Variants in EDAR observed in about 807,000 individuals in gnomAD.
EDAR encodes the protein tumor necrosis factor receptor superfamily member EDAR.
EDAR carries 38 observed loss-of-function variants against 51.3 expected under a neutral mutation model. The observed-to-expected ratio is 0.74, with a 90% CI of 0.57 to 0.97. The LOEUF is 0.97. Ranked by LOEUF, EDAR falls within the 50% of genes least tolerant of loss-of-function variation. The probability of loss-of-function intolerance (pLI) is 0.00; values close to 1 mark genes in which losing one functional copy is unlikely to be tolerated. For missense variants in EDAR, 528 were observed against 595.0 expected (o/e 0.89, Z 1.17); for synonymous variants, 227 against 242.1 (o/e 0.94, Z 0.58).
At chr2:108,932,200 T>C (rs1697377070) in intron 1 of EDAR, among the ~76,000 whole-genome samples, 1 of 151,974 alleles carries the variant, frequency 6.6e-6, no homozygotes, top group African/African-American at 2.4e-5. Context: ...CTAAAGGCAT[T>C]AGGTAGAAAT....
At chr2:108,911,106 G>A in intron 6 of EDAR, 34 bp from the exon 7 acceptor site, 1 of 1,613,688 alleles carries the variant, frequency 6.2e-7, no homozygotes, top group Non-Finnish European at 8.5e-7. Flanking sequence ...ATGACCCAGA[G>A]CTCAGGATCC....
Position 108,913,069 on chromosome 2 carries a change from C to T in EDAR, c.443-305G>A, listed in dbSNP as rs558512866. On this transcript the variant is annotated intron_variant, in intron 5 of 11. Transcript: ENST00000258443. ...GTTGACGCCATTCTCCTGTCTCAGC[C>T]TCCCAAGTAACTGGGACTACAGGCA... 2.6e-5 allele frequency among the ~76,000 whole-genome samples: 4 copies of T among 151,978 alleles called. No individual in the cohort carries two copies. The East Asian group carries it at 7.7e-4, about 29-fold the overall frequency.
At chr2:108,918,487 C>T (rs967591273) in intron 5 of EDAR, among the ~76,000 whole-genome samples, 4 of 152,268 alleles carry the variant, frequency 2.6e-5, no homozygotes, top group African/African-American at 9.6e-5. Context: ...ACCTGAGTTT[C>T]GAATAAGCAA....
intron 1 of EDAR, among the ~76,000 whole-genome samples, chr2:108,948,306 T>C (rs1181296125): frequency 6.6e-6 from 1 of 152,224 alleles, no homozygotes; most frequent in Non-Finnish European, 1.5e-5. Context: ...CTGTAGGAAG[T>C]TCCAAACGTT....
intron 1 of EDAR, among the ~76,000 whole-genome samples, chr2:108,978,502 C>T (rs541407498): frequency 5.9e-5 from 9 of 152,248 alleles, no homozygotes; most frequent in Admixed American, 3.9e-4. Context: ...GGTAGAGCTC[C>T]GAGGGAGCCA....
chr2:108,962,253 C>T (rs768059183), intron 1 of EDAR, among the ~76,000 whole-genome samples: 34 of 152,190 alleles, frequency 2.2e-4, no homozygotes, highest in Non-Finnish European at 3.4e-4. Flanking sequence ...TGTGAACCAA[C>T]GTTCATTCGC....
intron 1 of EDAR, among the ~76,000 whole-genome samples, chr2:108,963,230 CTCTGTGG>C (rs1395925082): frequency 7.2e-5 from 11 of 152,172 alleles, no homozygotes; most frequent in Admixed American, 5.9e-4. Flanking sequence ...TTATCTGAAA[CTCTGTGG>C]CCAACGTAAA....
At chr2:108,976,752 A>G (rs1698329020) in intron 1 of EDAR, among the ~76,000 whole-genome samples, 1 of 151,822 alleles carries the variant, frequency 6.6e-6, no homozygotes, top group African/African-American at 2.4e-5. Flanking sequence ...GGTGACTGGG[A>G]GCTCTTTTAG....
chr2:108,953,340 G>A (rs1411799212), intron 1 of EDAR, among the ~76,000 whole-genome samples: 5 of 152,002 alleles, frequency 3.3e-5, no homozygotes. Context: ...CTGATTTCTG[G>A]GACTTTCTTC....
chr2:108,918,655 C>T (rs1424440107), intron 5 of EDAR, among the ~76,000 whole-genome samples: 8 of 152,150 alleles, frequency 5.3e-5, no homozygotes, highest in East Asian at 1.9e-4. Flanking sequence ...AGGGTCCTGC[C>T]GGGCACTGTG....
intron 5 of EDAR, among the ~76,000 whole-genome samples, chr2:108,922,544 C>T (rs1697163363): frequency 6.6e-6 from 1 of 152,186 alleles, no homozygotes; most frequent in Non-Finnish European, 1.5e-5. Flanking sequence ...CCCCTTCTTT[C>T]CAGCGTGATA....
rs1697927363 is a variant in EDAR, at chr2:108,956,415, C to T, written c.-18-25383G>A. 2.0e-5 allele frequency among the ~76,000 whole-genome samples: 3 copies of T among 152,216 alleles called. No homozygotes were observed. In the South Asian group the frequency reaches 6.2e-4, roughly 32 times the overall value. On this transcript the variant is annotated intron_variant, in intron 1 of 11. Transcript: ENST00000258443. The stretch of plus-strand genomic sequence containing the variant: ...AACTCCATTTGGTTTAGAATACTGG[C>T]ATTCCTGATGCCACTCAAATCCCTC...
chr2:108,911,133 C>T (rs1696922795), intron 6 of EDAR, 61 bp from the exon 7 acceptor site: 1 of 1,607,556 alleles, frequency 6.2e-7, no homozygotes, highest in Non-Finnish European at 8.5e-7. Flanking sequence ...GTCTTCCCTC[C>T]AGGACTCCGG....
chr2:108,938,917 C>A (rs1449103838), intron 1 of EDAR, among the ~76,000 whole-genome samples: 1 of 151,504 alleles, frequency 6.6e-6, no homozygotes, highest in Non-Finnish European at 1.5e-5. Context: ...GTAGCTGCGA[C>A]TACAGGCACC....
At chr2:108,971,222 A>G (rs570152303) in intron 1 of EDAR, among the ~76,000 whole-genome samples, 1 of 152,210 alleles carries the variant, frequency 6.6e-6, no homozygotes, top group East Asian at 1.9e-4. Flanking sequence ...AATCATCTTT[A>G]TATTTTTATA....
rs1344134065 is a variant in EDAR at position 108,971,687 on chromosome 2, C to T, written c.-19+17273G>A. ...GGCTGAGAGATTTAGAGCAATTTGC[C>T]CAAGGTTACACAGAAGTTAAAGAGG... On this transcript the variant is annotated intron_variant, in intron 1 of 11. Coordinates refer to ENST00000258443, the MANE Select transcript of EDAR (RefSeq NM_022336.4). 2.0e-5 allele frequency among the ~76,000 whole-genome samples: 3 copies of T among 152,074 alleles called. No homozygotes were observed. In the South Asian group the frequency reaches 6.2e-4, roughly 32 times the overall value.
chr2:108,912,637 C>T (rs1353722151), intron 6 of EDAR, 41 bp downstream of exon 6: 1 of 1,524,434 alleles, frequency 6.6e-7, no homozygotes. Context: ...ATCCGAGTAC[C>T]ACCTAACTCC....
At chr2:108,906,781 C>T (rs997684326) in intron 10 of EDAR, among the ~76,000 whole-genome samples, 16 of 152,228 alleles carry the variant, frequency 1.1e-4, no homozygotes, top group African/African-American at 3.9e-4. Context: ...TGCTCAGTGG[C>T]CCTGGCTGAA....
At chr2:108,916,015 C>T (rs748892039) in intron 5 of EDAR, among the ~76,000 whole-genome samples, 17 of 152,218 alleles carry the variant, frequency 1.1e-4, no homozygotes, top group Non-Finnish European at 1.5e-4. Context: ...ACAGACCTTA[C>T]TGAAGTTGCT....
Sources: gnomAD v4.1 joint callset for allele counts (sites outside exome capture counted in the v4.1 genomes callset) on GRCh38, gnomAD v4.1.1 for gene constraint, MANE v1.5 for transcripts, NCBI Gene and HGNC (gene_info 2026-07-23, HGNC 2026-07-21) for gene names.